Variants in SFMBT2 observed in about 807,000 individuals in gnomAD.
SFMBT2 encodes the protein Scm like with four mbt domains 2.
A neutral mutation model predicts 110.1 loss-of-function variants in SFMBT2; 38 were observed. The ratio of observed to expected loss-of-function variants is 0.35; its 90% CI spans 0.27 to 0.45. The LOEUF (loss-of-function observed/expected upper bound fraction) is 0.45, where lower values mean the gene tolerates loss of function less well. Ranked by LOEUF, SFMBT2 falls within the 20% of genes least tolerant of loss-of-function variation. SFMBT2 has a pLI of 1.00. For synonymous variants in SFMBT2, 425 were observed against 425.4 expected, an observed-to-expected ratio of 1.00 and a Z score of 0.01; for missense variants, 1,011 against 1,094.9, an observed-to-expected ratio of 0.92 and a Z score of 1.08.
At position 7,159,046 on chromosome 10, in the gene SFMBT2, G is replaced by T. The variant is rs1837483914; in HGVS notation, c.*4724C>A. On this transcript the variant is annotated 3_prime_UTR_variant, in exon 21 of 21. Transcript: ENST00000397167. ...TTTGCCTCAAATTTTTCATCCTAAG[G>T]TGATTTTTAGCCAACGATTGTCCTA... 1.3e-5 allele frequency: 2 copies of T among 152,034 alleles called. No homozygotes were observed. Among genetic ancestry groups the T allele is most frequent in the Admixed American group, 1.3e-4 (2 of 15,264 alleles). The allele number at this position is 152,034 out of a possible 1,614,324, so 9.4% of individuals were successfully genotyped here.
rs1163670608 is a variant in SFMBT2, at chr10:7,163,712, T to G, written c.*58A>C. The G allele has an allele frequency of 6.6e-7, 1 of 1,504,854 alleles. No individual in the cohort carries two copies. The highest frequency in any genetic ancestry group is 1.8e-5 in the Admixed American group (1 of 56,974). The allele number at this position is 1,504,854 out of a possible 1,614,324, so 93.2% of individuals were successfully genotyped here. A position where few individuals can be genotyped will look rare whatever the true frequency, so the allele number is the denominator to read the frequency against. Reference sequence around the variant, plus strand: ...TCCCGGAAAATCAAAGTTTCAGTCCTGGAAACCTTTACCAACACCGCATCC... The same window carrying G: ...TCCCGGAAAATCAAAGTTTCAGTCCGGGAAACCTTTACCAACACCGCATCC... On this transcript the variant is annotated 3_prime_UTR_variant, in exon 21 of 21. Transcript: ENST00000397167. This position sits in a 1 kb window ranked among gnomAD's most constrained non-coding sequence, Gnocchi z 4.8.
chr10:7,224,050 A>C (rs1839829212), intron 10 of SFMBT2, among the ~76,000 whole-genome samples: 4 of 152,176 alleles, frequency 2.6e-5, no homozygotes, highest in Admixed American at 2.0e-4. Flanking sequence ...TCTATTGATA[A>C]TGAGGCGATT....
At chr10:7,195,735 C>T (rs910737449) in intron 15 of SFMBT2, among the ~76,000 whole-genome samples, 2 of 152,214 alleles carry the variant, frequency 1.3e-5, no homozygotes, top group African/African-American at 4.8e-5. Context: ...GCAGTCCCCA[C>T]AGATTGCAGA....
chr10:7,346,046 G>A (rs371799863), intron 4 of SFMBT2, among the ~76,000 whole-genome samples: 11 of 152,058 alleles, frequency 7.2e-5, no homozygotes, highest in Admixed American at 2.0e-4. Context: ...TAACTCTGTC[G>A]CCCTCACCCC....
At chr10:7,297,168 A>G (rs1842427731) in intron 4 of SFMBT2, among the ~76,000 whole-genome samples, 2 of 152,260 alleles carry the variant, frequency 1.3e-5, no homozygotes, top group South Asian at 2.1e-4. Flanking sequence ...AAGGGAAAAC[A>G]GCAATGAATC....
In SFMBT2 at chr10:7,377,104, G is replaced by C. The variant is rs1037907422; in HGVS notation, c.100+4695C>G. Among the ~76,000 whole-genome samples, 74 of 144,446 alleles carry C rather than the reference G, an allele frequency of 5.1e-4. 1 individual carries two copies. Among genetic ancestry groups the C allele is most frequent in the South Asian group, 1.3e-3 (6 of 4,600 alleles). 94.8% of individuals were successfully genotyped at this position (144,446 alleles called of 152,430 possible). A position where few individuals can be genotyped will look rare whatever the true frequency, so the allele number is the denominator to read the frequency against. On this transcript the variant is annotated intron_variant, in intron 2 of 20. Transcript: ENST00000397167. The stretch of plus-strand genomic sequence containing the variant: ...GGATCACTTGAACCAGGGAGTCAGA[G>C]GTTGCAGTGAGCCGAGATCGCACCA...
At chr10:7,406,993 G>A (rs544636810) in intron 1 of SFMBT2, among the ~76,000 whole-genome samples, 2 of 152,184 alleles carry the variant, frequency 1.3e-5, no homozygotes, top group South Asian at 2.1e-4. Context: ...GGCGGGGGGG[G>A]AGGGAAGTGG....
intron 1 of SFMBT2, among the ~76,000 whole-genome samples, chr10:7,390,855 T>C (rs1845743097): frequency 6.6e-6 from 1 of 152,190 alleles, no homozygotes; most frequent in Non-Finnish European, 1.5e-5. Flanking sequence ...ATCCCAGCAC[T>C]TTGGGAAGCT....
At chr10:7,275,406 G>A (rs779606312) in intron 7 of SFMBT2, among the ~76,000 whole-genome samples, 56 of 152,154 alleles carry the variant, frequency 3.7e-4, no homozygotes, top group Non-Finnish European at 6.5e-4. Flanking sequence ...GAGCTGAGAG[G>A]TCCAACATTA....
chr10:7,307,581 G>A (rs1842732423), intron 4 of SFMBT2, among the ~76,000 whole-genome samples: 2 of 152,220 alleles, frequency 1.3e-5, no homozygotes, highest in Admixed American at 1.3e-4. Flanking sequence ...GGGGAGAACA[G>A]ACTCTCTGAT....
intron 11 of SFMBT2, chr10:7,206,388 G>C (rs1294774776): frequency 1.0e-6 from 1 of 985,260 alleles, no homozygotes; most frequent in African/African-American, 1.7e-5. Context: ...ACCAAGTAAA[G>C]GCAACCTTCA....
intron 1 of SFMBT2, among the ~76,000 whole-genome samples, chr10:7,389,519 T>C (rs1408015462): frequency 6.6e-6 from 1 of 152,218 alleles, no homozygotes; most frequent in African/African-American, 2.4e-5. Flanking sequence ...TCCTGTTTTA[T>C]ACAATACACT....
At chr10:7,257,531 T>C (rs895591102) in intron 7 of SFMBT2, among the ~76,000 whole-genome samples, 1 of 152,176 alleles carries the variant, frequency 6.6e-6, no homozygotes, top group African/African-American at 2.4e-5. Flanking sequence ...AAGTTCTTTA[T>C]AAAATACAGT....
chr10:7,377,213 G>A (rs1009986759), intron 2 of SFMBT2, among the ~76,000 whole-genome samples: 29 of 148,932 alleles, frequency 1.9e-4, no homozygotes, highest in East Asian at 4.0e-4. Context: ...CACCCCAAGC[G>A]GGTTTGATTT....
intron 4 of SFMBT2, among the ~76,000 whole-genome samples, chr10:7,331,703 G>A (rs1164069296): frequency 6.6e-6 from 1 of 152,066 alleles, no homozygotes; most frequent in Non-Finnish European, 1.5e-5. Context: ...ACCCAGAGAA[G>A]CATGACTTGG....
intron 4 of SFMBT2, among the ~76,000 whole-genome samples, chr10:7,363,332 C>T (rs906387773): frequency 3.3e-5 from 5 of 152,064 alleles, no homozygotes; most frequent in African/African-American, 1.2e-4. Context: ...CCATGTGGAA[C>T]TGTGACTCCA....
intron 4 of SFMBT2, among the ~76,000 whole-genome samples, chr10:7,299,497 G>A (rs371899315): frequency 1.3e-5 from 2 of 152,294 alleles, no homozygotes; most frequent in South Asian, 2.1e-4. Context: ...CAACATCGCT[G>A]ATCATCAGAG....
At chr10:7,319,250 T>C (rs995727599) in intron 4 of SFMBT2, among the ~76,000 whole-genome samples, 1 of 152,166 alleles carries the variant, frequency 6.6e-6, no homozygotes, top group African/African-American at 2.4e-5. Context: ...AATACAGAGC[T>C]AGGAACTGTG....
intron 6 of SFMBT2, among the ~76,000 whole-genome samples, chr10:7,282,008 C>T (rs1056846766): frequency 2.0e-5 from 3 of 152,028 alleles, no homozygotes; most frequent in African/African-American, 4.8e-5. Flanking sequence ...CCATGCCTAG[C>T]CAGTTTTTTC....
Sources: allele counts gnomAD v4.1 joint callset (sites outside exome capture counted in the v4.1 genomes callset), GRCh38; gene constraint gnomAD v4.1.1; non-coding constraint Gnocchi (gnomAD v3.1); transcripts MANE v1.5; gene names NCBI Gene and HGNC (gene_info 2026-07-23, HGNC 2026-07-21).